Variants in GNAQ observed in about 807,000 individuals in gnomAD.
The protein encoded by GNAQ is guanine nucleotide-binding protein G(q) subunit alpha.
In GNAQ, 8 loss-of-function variants were observed where a neutral mutation model predicts 43.9. That is an observed-to-expected ratio of 0.18 (90% CI 0.11 to 0.33). GNAQ has a LOEUF of 0.33. Ranked by LOEUF, GNAQ falls within the 10% of genes least tolerant of loss-of-function variation. GNAQ has a pLI of 1.00. For missense variants in GNAQ, 158 were observed against 450.8 expected (o/e 0.35, Z 5.88); for synonymous variants, 155 against 170.7 (o/e 0.91, Z 0.71).
intron 4 of GNAQ, 132 bp from the exon 5 acceptor site, chr9:77,794,724 T>G: frequency 2.0e-6 from 1 of 488,510 alleles, no homozygotes. Context: ...TCAATTCAAT[T>G]AATACTTATT....
chr9:77,961,578 A>G (rs554158292), intron 1 of GNAQ, among the ~76,000 whole-genome samples: 5 of 152,188 alleles, frequency 3.3e-5, no homozygotes, highest in African/African-American at 1.2e-4. Flanking sequence ...CACCACAAAG[A>G]AGGAATCAGT....
At chr9:77,937,185 A>G (rs1829243945) in intron 1 of GNAQ, among the ~76,000 whole-genome samples, 1 of 152,188 alleles carries the variant, frequency 6.6e-6, no homozygotes, top group Non-Finnish European at 1.5e-5. Flanking sequence ...CCTCACACCT[A>G]TAATCCCAGC....
chr9:77,834,239 T>C (rs1393134041), intron 2 of GNAQ, among the ~76,000 whole-genome samples: 1 of 152,174 alleles, frequency 6.6e-6, no homozygotes, highest in Non-Finnish European at 1.5e-5. Flanking sequence ...AGTTACAATA[T>C]TTTGCACTTC....
intron 1 of GNAQ, among the ~76,000 whole-genome samples, chr9:77,962,231 A>G (rs889567890): frequency 2.0e-5 from 3 of 152,158 alleles, no homozygotes; most frequent in African/African-American, 4.8e-5. Flanking sequence ...AGAAGAGAGA[A>G]AGGTGGGAAT....
chr9:78,013,979 G>T (rs1464288974), intron 1 of GNAQ, among the ~76,000 whole-genome samples: 3 of 152,280 alleles, frequency 2.0e-5, no homozygotes, highest in East Asian at 1.9e-4. Flanking sequence ...CCATGCAGGG[G>T]AGGGACATAT....
chr9:77,814,633 G>A (rs1484930676), intron 3 of GNAQ, among the ~76,000 whole-genome samples: 1 of 152,114 alleles, frequency 6.6e-6, no homozygotes, highest in Non-Finnish European at 1.5e-5. Context: ...GAGTCATATA[G>A]CTCTTAGATA....
intron 2 of GNAQ, among the ~76,000 whole-genome samples, chr9:77,864,263 G>A (rs1273119473): frequency 2.6e-5 from 4 of 151,510 alleles, no homozygotes. Flanking sequence ...CCATTCATAA[G>A]GGATCTGCTC....
chr9:78,013,836 T>G (rs536736662), intron 1 of GNAQ, among the ~76,000 whole-genome samples: 1 of 152,272 alleles, frequency 6.6e-6, no homozygotes, highest in East Asian at 1.9e-4. Flanking sequence ...CCATACTCAT[T>G]TATTAACAAA....
At chr9:77,823,457 G>A (rs143152136) in intron 2 of GNAQ, among the ~76,000 whole-genome samples, 1 of 152,252 alleles carries the variant, frequency 6.6e-6, no homozygotes, top group East Asian at 1.9e-4. Context: ...ACACTTTTGA[G>A]TATTAAAAAG....
intron 1 of GNAQ, among the ~76,000 whole-genome samples, chr9:78,023,308 C>G (rs1377417105): frequency 2.6e-5 from 4 of 151,978 alleles, no homozygotes; most frequent in Non-Finnish European, 2.9e-5. Context: ...CCAACTTCCC[C>G]TCTCACCAGC....
intron 2 of GNAQ, among the ~76,000 whole-genome samples, chr9:77,824,780 G>GA (rs35647438): frequency 0.6 from 91,062 of 151,970 alleles, 28,216 homozygotes; most frequent in Middle Eastern, 0.71. Flanking sequence ...AATTAATGAA[G>GA]AAAAAACAAA....
At chr9:77,743,385 C>CA (rs1472655490) in intron 5 of GNAQ, among the ~76,000 whole-genome samples, 2 of 152,162 alleles carry the variant, frequency 1.3e-5, no homozygotes, top group Non-Finnish European at 2.9e-5. Context: ...AGTAACTCTT[C>CA]AGGTATCCAG....
At chr9:77,735,523 T>C (rs1275774722) in intron 5 of GNAQ, among the ~76,000 whole-genome samples, 1 of 152,214 alleles carries the variant, frequency 6.6e-6, no homozygotes. Context: ...TTTGCAAGCC[T>C]AGTCTTCTGC....
At chr9:77,779,440 G>A (rs1046817443) in intron 5 of GNAQ, among the ~76,000 whole-genome samples, 1 of 151,690 alleles carries the variant, frequency 6.6e-6, no homozygotes, top group Non-Finnish European at 1.5e-5. Context: ...AGTATTAAAT[G>A]CAAATATTAG....
chr9:77,966,892 C>T (rs959228760), intron 1 of GNAQ, among the ~76,000 whole-genome samples: 1 of 152,192 alleles, frequency 6.6e-6, no homozygotes, highest in Non-Finnish European at 1.5e-5. Flanking sequence ...CTGGGCTGCC[C>T]ACCAGGTCCA....
intron 2 of GNAQ, among the ~76,000 whole-genome samples, chr9:77,857,083 G>T (rs1468717684): frequency 6.6e-6 from 1 of 152,162 alleles, no homozygotes; most frequent in Non-Finnish European, 1.5e-5. Context: ...TAAAACTACA[G>T]CAAGGCTGAG....
intron 1 of GNAQ, among the ~76,000 whole-genome samples, chr9:78,026,334 ACAGT>A (rs1158208176): frequency 6.6e-6 from 1 of 152,222 alleles, no homozygotes; most frequent in Non-Finnish European, 1.5e-5. Flanking sequence ...GCTTTGTTAT[ACAGT>A]CAGAGCCACA....
chr9:77,816,802 T>C (rs1827024906), intron 2 of GNAQ, among the ~76,000 whole-genome samples: 1 of 152,208 alleles, frequency 6.6e-6, no homozygotes, highest in Admixed American at 6.5e-5. Context: ...ACTATTCATT[T>C]CACAAGAGTA....
intron 2 of GNAQ, among the ~76,000 whole-genome samples, chr9:77,871,776 T>C (rs1319826346): frequency 6.6e-6 from 1 of 152,148 alleles, no homozygotes; most frequent in Non-Finnish European, 1.5e-5. Context: ...TTGCAGAATT[T>C]TACTACCTAA....
Sources: gnomAD v4.1 joint callset for allele counts (sites outside exome capture counted in the v4.1 genomes callset) on GRCh38, gnomAD v4.1.1 for gene constraint, MANE v1.5 for transcripts, NCBI Gene and HGNC (gene_info 2026-07-23, HGNC 2026-07-21) for gene names.